The following KIAA0586 variants were observed in gnomAD, a reference collection of about 807,000 sequenced individuals.
KIAA0586 encodes KIAA0586.
KIAA0586 carries 144 observed loss-of-function variants against 169.8 expected under a neutral mutation model. That is an observed-to-expected ratio of 0.85 (90% CI 0.74 to 0.97). The LOEUF is 0.97. Among genes scored for constraint, KIAA0586 ranks in the 50% least tolerant of loss-of-function variants. The probability of loss-of-function intolerance (pLI) is 0.00; values close to 1 mark genes in which losing one functional copy is unlikely to be tolerated. For synonymous variants in KIAA0586, 625 were observed against 612.4 expected, an observed-to-expected ratio of 1.02 and a Z score of -0.30; for missense variants, 1,854 against 1,823.0, an observed-to-expected ratio of 1.02 and a Z score of -0.31.
At chr14:58,434,086 TAAAAG>T (rs979672140) in intron 4 of KIAA0586, among the ~76,000 whole-genome samples, 9 of 152,012 alleles carry the variant, frequency 5.9e-5, no homozygotes, top group Non-Finnish European at 1.0e-4. Flanking sequence ...GTATACCAGA[TAAAAG>T]AAAACATAAA....
chr14:58,437,002 A>G (rs1417072178), intron 4 of KIAA0586, among the ~76,000 whole-genome samples: 3 of 152,320 alleles, frequency 2.0e-5, no homozygotes, highest in Non-Finnish European at 2.9e-5. Flanking sequence ...AGAATTAGAT[A>G]TATTTCTTAA....
intron 20 of KIAA0586, 52 bp downstream of exon 20, chr14:58,477,293 T>C: frequency 1.1e-6 from 1 of 940,956 alleles, no homozygotes; most frequent in South Asian, 1.4e-5. Context: ...AAAGCTTTAG[T>C]TCATCGTGGA....
chr14:58,546,829 A>C (rs938215603), intron 30 of KIAA0586, among the ~76,000 whole-genome samples: 1 of 152,146 alleles, frequency 6.6e-6, no homozygotes, highest in Admixed American at 6.6e-5. Context: ...ATGAAGTGGG[A>C]ATTTTTTTTC....
At chr14:58,551,507 A>G (rs1248763881), downstream of KIAA0586, among the ~76,000 whole-genome samples, 1 of 152,168 alleles carries the variant, frequency 6.6e-6, no homozygotes, top group African/African-American at 2.4e-5. Context: ...CACACCTGTA[A>G]TCCCAGCACT....
intron 27 of KIAA0586, among the ~76,000 whole-genome samples, chr14:58,502,992 A>G (rs2141357546): frequency 6.6e-6 from 1 of 152,232 alleles, no homozygotes; most frequent in East Asian, 1.9e-4. Context: ...TATTTTCTGT[A>G]GTCCTCTATC....
At chr14:58,431,546 C>T (rs1239871403) in intron 3 of KIAA0586, among the ~76,000 whole-genome samples, 3 of 152,120 alleles carry the variant, frequency 2.0e-5, no homozygotes, top group Non-Finnish European at 2.9e-5. Context: ...GGATTACAGG[C>T]GTGAGCCACC....
At chr14:58,537,082 G>A in intron 29 of KIAA0586, 1 of 1,240,678 alleles carries the variant, frequency 8.1e-7, no homozygotes, top group African/African-American at 1.6e-5. Context: ...TGACCTAGTT[G>A]TAGGCCGTGT....
intron 24 of KIAA0586, among the ~76,000 whole-genome samples, chr14:58,489,321 G>C (rs1194190228): frequency 6.7e-6 from 1 of 150,136 alleles, no homozygotes; most frequent in Non-Finnish European, 1.5e-5. Context: ...CTGGGCTCAA[G>C]TGATACTCCC....
chr14:58,518,347 T>G (rs2044918432), intron 29 of KIAA0586, among the ~76,000 whole-genome samples: 1 of 152,210 alleles, frequency 6.6e-6, no homozygotes, highest in Non-Finnish European at 1.5e-5. Flanking sequence ...TACAGTTAAA[T>G]TGGATTTTTA....
At position 58,450,790 on chromosome 14, in the gene KIAA0586, T is replaced by A. The variant is rs1411698291; in HGVS notation, c.1129+44T>A. 3.8e-6 allele frequency: 5 copies of A among 1,306,578 alleles called. No homozygotes were observed. In the African/African-American group the frequency reaches 7.3e-5, roughly 19 times the overall value. 80.9% of individuals were successfully genotyped at this position (1,306,578 alleles called of 1,614,324 possible). On this transcript the variant is annotated intron_variant, in intron 8 of 30. Transcript: ENST00000652326. ...AGACCTATCCCAAATTAGGAAATTG[T>A]CATGAGATTTTCTGTGCCTAGTAGT... is the stretch of plus-strand genomic sequence containing the variant.
chr14:58,508,436 C>T, intron 27 of KIAA0586, 119 bp from the exon 28 acceptor site: 1 of 756,958 alleles, frequency 1.3e-6, no homozygotes. Context: ...GTTTGAAGTA[C>T]ACTGCTAGTT....
Position 58,457,870 on chromosome 14 carries a change from A to T in KIAA0586, c.1474A>T (p.Arg492Ter). Residue 492 changes from arginine (R) to a stop codon, truncating the protein, a stop_gained, in exon 11 of 31, where the codon AGA becomes TGA. Transcript: ENST00000652326. LOFTEE classifies it high-confidence loss of function. ...ATTGAAAGATGCTGAGAAGATTTTGAGAGGAGTACAAAACAATAAAAAAGT... is the reference window on the plus strand; with the variant it reads ...ATTGAAAGATGCTGAGAAGATTTTGTGAGGAGTACAAAACAATAAAAAAGT... The part of the protein sequence containing the change: ...SVLKDAEKIL[R>*]GVQNNKKVLE... 1 of 1,607,818 alleles carries T rather than the reference A, an allele frequency of 6.2e-7. No homozygotes were observed. Among genetic ancestry groups the T allele is most frequent in the East Asian group, 2.2e-5 (1 of 44,792 alleles).
At chr14:58,470,585 G>A in intron 16 of KIAA0586, 28 bp from the exon 17 acceptor site, 1 of 1,330,378 alleles carries the variant, frequency 7.5e-7, no homozygotes, top group Non-Finnish European at 1.1e-6. Flanking sequence ...ATGATAAACA[G>A]AAAGCTGAAT....
intron 27 of KIAA0586, among the ~76,000 whole-genome samples, chr14:58,505,246 C>A (rs1168391740): frequency 6.6e-6 from 1 of 151,996 alleles, no homozygotes; most frequent in Non-Finnish European, 1.5e-5. Flanking sequence ...TGTGTTTTAC[C>A]CAGTAAACCC....
chr14:58,537,898 T>C (rs1464734126), intron 29 of KIAA0586, among the ~76,000 whole-genome samples: 13 of 152,292 alleles, frequency 8.5e-5, no homozygotes, highest in Non-Finnish European at 1.5e-4. Flanking sequence ...CTTCCCACCT[T>C]GGCCTCCCAA....
At chr14:58,539,956 T>A in intron 29 of KIAA0586, 115 bp from the exon 30 acceptor site, 1 of 617,128 alleles carries the variant, frequency 1.6e-6, no homozygotes, top group African/African-American at 1.9e-5. Flanking sequence ...TACCTGGTTT[T>A]ATGAGAATAA....
downstream of KIAA0586, among the ~76,000 whole-genome samples, chr14:58,555,818 G>C (rs1000728271): frequency 2.0e-5 from 3 of 152,156 alleles, no homozygotes; most frequent in African/African-American, 7.2e-5. Flanking sequence ...TGATTGTTAT[G>C]AGCCAATTAT....
chr14:58,506,657 A>T (rs2043968062), intron 27 of KIAA0586, among the ~76,000 whole-genome samples: 1 of 151,578 alleles, frequency 6.6e-6, no homozygotes, highest in Non-Finnish European at 1.5e-5. Flanking sequence ...ACTGCACTCC[A>T]GCCTGGGTGA....
At chr14:58,438,042 TA>T (rs2140480311) in intron 4 of KIAA0586, among the ~76,000 whole-genome samples, 1 of 152,298 alleles carries the variant, frequency 6.6e-6, no homozygotes, top group East Asian at 1.9e-4. Flanking sequence ...GGAAGCTAAG[TA>T]CTGAAAAATA....
Sources: allele counts gnomAD v4.1 joint callset (sites outside exome capture counted in the v4.1 genomes callset), GRCh38; gene constraint gnomAD v4.1.1; transcripts MANE v1.5; gene names NCBI Gene and HGNC (gene_info 2026-07-23, HGNC 2026-07-21).